The following FA2H variants were observed in gnomAD, a reference collection of about 807,000 sequenced individuals.
FA2H encodes the protein fatty acid 2-hydroxylase.
Under a neutral mutation model 44.9 loss-of-function variants are expected in FA2H, and 22 were observed. The observed-to-expected ratio is 0.49, with a 90% CI of 0.35 to 0.70. The LOEUF is 0.70. FA2H is among the 30% of genes least tolerant of loss of function. FA2H has a pLI of 0.01. For synonymous variants in FA2H, 243 were observed against 213.2 expected (o/e 1.14, Z -1.22); for missense variants, 501 against 504.9 (o/e 0.99, Z 0.07).
chr16:74,752,181 G>C (rs1448768517), intron 1 of FA2H, among the ~76,000 whole-genome samples: 10 of 152,086 alleles, frequency 6.6e-5, no homozygotes. Context: ...CTGGACAATA[G>C]CAATGGCCTC....
chr16:74,714,316 G>T, intron 6 of FA2H, 47 bp from the exon 7 acceptor site: 2 of 1,231,914 alleles, frequency 1.6e-6, no homozygotes, highest in Non-Finnish European at 2.3e-6. Flanking sequence ...TGAAGGAGCA[G>T]GCGTGCGCTG....
At chr16:74,757,048 AAAC>A (rs1254969816) in intron 1 of FA2H, among the ~76,000 whole-genome samples, 1 of 152,148 alleles carries the variant, frequency 6.6e-6, no homozygotes, top group African/African-American at 2.4e-5. Flanking sequence ...TTGAAAAAAA[AAAC>A]ATTAAGCAAG....
chr16:74,736,803 G>A (rs950257765), intron 2 of FA2H, among the ~76,000 whole-genome samples: 15 of 152,110 alleles, frequency 9.9e-5, no homozygotes, highest in African/African-American at 3.6e-4. Flanking sequence ...CCGGCCTCAG[G>A]GTCTTATTCA....
chr16:74,744,644 G>C (rs941846770), intron 1 of FA2H, among the ~76,000 whole-genome samples: 1 of 151,812 alleles, frequency 6.6e-6, no homozygotes, highest in South Asian at 2.1e-4. Flanking sequence ...TAGAGATGGG[G>C]TCTTGATCTA....
At chr16:74,768,904 C>T (rs116700011) in intron 1 of FA2H, among the ~76,000 whole-genome samples, 283 of 152,004 alleles carry the variant, frequency 1.9e-3, no homozygotes, top group African/African-American at 6.6e-3. Flanking sequence ...TAGTGGCTGA[C>T]GAGTCAGGCT....
chr16:74,718,966 G>T, intron 5 of FA2H, 22 bp downstream of exon 5: 1 of 1,612,382 alleles, frequency 6.2e-7, no homozygotes, highest in South Asian at 1.1e-5. Flanking sequence ...CTAGGTCCGG[G>T]CTGGGACCCC....
chr16:74,730,459 C>A (rs1330669224), intron 2 of FA2H, among the ~76,000 whole-genome samples: 2 of 152,168 alleles, frequency 1.3e-5, no homozygotes, highest in East Asian at 3.8e-4. Context: ...GTCTCCTTGA[C>A]CTCAGCCCTT....
chr16:74,713,951 C>T lies in FA2H; in HGVS notation c.*239G>A, dbSNP rs910782353. ...GGGCTGAGCTCTAGGCAGGGACGCT[C>T]CAGGAAGAAGTGGGTCACCAAGGGC... On this transcript the variant is annotated 3_prime_UTR_variant, in exon 7 of 7. Coordinates refer to ENST00000219368, the MANE Select transcript of FA2H (RefSeq NM_024306.5). 7.2e-6 allele frequency: 4 copies of T among 556,436 alleles called. No individual in the cohort carries two copies. Among genetic ancestry groups the T allele is most frequent in the Middle Eastern group, 4.9e-4 (1 of 2,042 alleles). The allele number at this position is 556,436 out of a possible 1,614,324, so 34.5% of individuals were successfully genotyped here. A position where few individuals can be genotyped will look rare whatever the true frequency, so the allele number is the denominator to read the frequency against.
intron 1 of FA2H, among the ~76,000 whole-genome samples, chr16:74,757,231 T>G (rs1478364777): frequency 3.3e-5 from 5 of 152,086 alleles, no homozygotes; most frequent in Non-Finnish European, 7.4e-5. Flanking sequence ...GTGCAAAAAG[T>G]TCAGAAACAT....
intron 2 of FA2H, among the ~76,000 whole-genome samples, chr16:74,732,794 G>T (rs1292161998): frequency 6.6e-6 from 1 of 152,194 alleles, no homozygotes; most frequent in African/African-American, 2.4e-5. Flanking sequence ...AAATGTCTAG[G>T]TAAGCTATAA....
chr16:74,715,039 T>A (rs1197143885), intron 6 of FA2H, among the ~76,000 whole-genome samples: 1 of 152,024 alleles, frequency 6.6e-6, no homozygotes, highest in Non-Finnish European at 1.5e-5. Context: ...GGTTTCAACA[T>A]GTTGGCCAGG....
At chr16:74,715,024 G>A (rs540811616) in intron 6 of FA2H, among the ~76,000 whole-genome samples, 1 of 152,056 alleles carries the variant, frequency 6.6e-6, no homozygotes, top group Admixed American at 6.6e-5. Flanking sequence ...TTTTAGTAGA[G>A]AGGGGGTTTC....
chr16:74,725,977 T>C, intron 4 of FA2H: 1 of 481,978 alleles, frequency 2.1e-6, no homozygotes, highest in Non-Finnish European at 3.8e-6. Flanking sequence ...CTTTTTTTAT[T>C]GCTATGCCAC....
chr16:74,754,508 T>C (rs1344151071), intron 1 of FA2H, among the ~76,000 whole-genome samples: 1 of 152,130 alleles, frequency 6.6e-6, no homozygotes, highest in Non-Finnish European at 1.5e-5. Flanking sequence ...AATGTGACTT[T>C]ATTTGGAAAC....
chr16:74,737,950 G>A (rs574341115), intron 2 of FA2H, among the ~76,000 whole-genome samples: 2 of 152,344 alleles, frequency 1.3e-5, no homozygotes, highest in Admixed American at 6.5e-5. Context: ...GGGATTGCCC[G>A]TGAGGTGAAC....
At chr16:74,724,453 A>G (rs1354786578) in intron 4 of FA2H, among the ~76,000 whole-genome samples, 1 of 152,072 alleles carries the variant, frequency 6.6e-6, no homozygotes, top group Non-Finnish European at 1.5e-5. Flanking sequence ...TAGGAATGTC[A>G]GCCTTGAACT....
At chr16:74,773,671 C>T (rs1051728921) in intron 1 of FA2H, among the ~76,000 whole-genome samples, 3 of 152,146 alleles carry the variant, frequency 2.0e-5, no homozygotes, top group Admixed American at 2.0e-4. Context: ...TGACCTTAGG[C>T]GCATTAATCA....
At chr16:74,724,562 A>G (rs1172095006) in intron 4 of FA2H, among the ~76,000 whole-genome samples, 1 of 151,998 alleles carries the variant, frequency 6.6e-6, no homozygotes, top group Non-Finnish European at 1.5e-5. Context: ...GATCCCGCCG[A>G]GTCTCCCCTT....
chr16:74,759,242 C>T (rs778343404), intron 1 of FA2H, among the ~76,000 whole-genome samples: 2 of 152,252 alleles, frequency 1.3e-5, no homozygotes, highest in Non-Finnish European at 1.5e-5. Flanking sequence ...ATACTACACA[C>T]GTTTCATTCA....
Sources: allele counts gnomAD v4.1 joint callset (sites outside exome capture counted in the v4.1 genomes callset), GRCh38; gene constraint gnomAD v4.1.1; transcripts MANE v1.5; gene names NCBI Gene and HGNC (gene_info 2026-07-23, HGNC 2026-07-21).